The following CEP85L variants were observed in gnomAD, a reference collection of about 807,000 sequenced individuals.
CEP85L encodes the protein centrosomal protein 85L.
A neutral mutation model predicts 100.3 loss-of-function variants in CEP85L; 60 were observed. That is an observed-to-expected ratio of 0.60 (90% CI 0.49 to 0.74). CEP85L has a LOEUF of 0.74. Among genes scored for constraint, CEP85L ranks in the 30% least tolerant of loss-of-function variants. The pLI is 0.00. For missense variants in CEP85L, 973 were observed against 936.2 expected (o/e 1.04, Z -0.51); for synonymous variants, 319 against 322.7 (o/e 0.99, Z 0.12).
intron 2 of CEP85L, among the ~76,000 whole-genome samples, chr6:118,567,891 G>A (rs1195124642): frequency 1.3e-5 from 2 of 152,162 alleles, no homozygotes; most frequent in South Asian, 2.1e-4. Flanking sequence ...GTATTGTAGT[G>A]GATAGTTATC....
At chr6:118,619,558 A>G (rs1368259712) in intron 2 of CEP85L, among the ~76,000 whole-genome samples, 1 of 152,092 alleles carries the variant, frequency 6.6e-6, no homozygotes, top group Non-Finnish European at 1.5e-5. Context: ...CAGCCCCACC[A>G]AAGTGTTAGA....
chr6:118,654,140 G>A (rs184770023), upstream of CEP85L, among the ~76,000 whole-genome samples: 30 of 152,232 alleles, frequency 2.0e-4, no homozygotes, highest in African/African-American at 6.7e-4. Flanking sequence ...AGAGCCAGGT[G>A]CAGTCACTCA....
intron 1 of CEP85L, among the ~76,000 whole-genome samples, chr6:118,709,775 CT>C (rs1777727458): frequency 6.6e-6 from 1 of 152,124 alleles, no homozygotes; most frequent in Non-Finnish European, 1.5e-5. Flanking sequence ...CCATCTGTTC[CT>C]TTCCCCCTGA....
intron 4 of CEP85L, among the ~76,000 whole-genome samples, chr6:118,517,668 T>G (rs751029345): frequency 6.6e-6 from 1 of 152,228 alleles, no homozygotes; most frequent in Non-Finnish European, 1.5e-5. Context: ...AAATATACAA[T>G]CATGTCATCT....
At chr6:118,658,602 T>C (rs1775873196) in intron 1 of CEP85L, among the ~76,000 whole-genome samples, 1 of 152,134 alleles carries the variant, frequency 6.6e-6, no homozygotes, top group Admixed American at 6.6e-5. Context: ...AGAACCTGTA[T>C]TTTTAAAAAT....
At chr6:118,526,036 T>C (rs1293351630) in intron 3 of CEP85L, among the ~76,000 whole-genome samples, 1 of 152,206 alleles carries the variant, frequency 6.6e-6, no homozygotes, top group African/African-American at 2.4e-5. Context: ...CAGGATAGGA[T>C]GAACAGACTA....
chr6:118,706,687 A>C (rs1771752), intron 1 of CEP85L, among the ~76,000 whole-genome samples: 101,762 of 152,048 alleles, frequency 0.67, 34,717 homozygotes, highest in Non-Finnish European at 0.72. Context: ...AGATATCAGG[A>C]AACGCCACCA....
At chr6:118,511,265 C>G (rs773648699) in intron 5 of CEP85L, 33 bp downstream of exon 5, 4 of 1,361,678 alleles carry the variant, frequency 2.9e-6, no homozygotes, top group Non-Finnish European at 4.2e-6. Context: ...AGCTTTACTA[C>G]TAAAACAGCT....
chr6:118,506,541 T>G (rs1775669807), intron 5 of CEP85L, among the ~76,000 whole-genome samples: 1 of 152,234 alleles, frequency 6.6e-6, no homozygotes, highest in African/African-American at 2.4e-5. Flanking sequence ...ACCCTAAGCC[T>G]TTTGCTTTGC....
intron 1 of CEP85L, among the ~76,000 whole-genome samples, chr6:118,647,834 C>T (rs185131646): frequency 7.9e-5 from 12 of 152,300 alleles, no homozygotes; most frequent in Admixed American, 3.3e-4. Context: ...ATAGGGTAAT[C>T]TCAAATGCAA....
intron 10 of CEP85L, among the ~76,000 whole-genome samples, chr6:118,477,637 G>A (rs1043578204): frequency 2.0e-5 from 3 of 151,994 alleles, no homozygotes; most frequent in African/African-American, 4.8e-5. Flanking sequence ...ATCAAGACAA[G>A]TGAACTTCAA....
chr6:118,566,004 C>T lies in CEP85L; in HGVS notation c.545G>A (p.Gly182Asp). 1.2e-6 allele frequency: 2 copies of T among 1,614,220 alleles called. No homozygotes were observed. Among genetic ancestry groups the T allele is most frequent in the South Asian group, 1.1e-5 (1 of 91,086 alleles). ...GTVCREESRN[G>D]LEKIGKAKAL... is the part of the protein sequence containing the mutation. The stretch of plus-strand genomic sequence containing the variant: ...CTTAGCCTTCCCTATCTTCTCCAAA[C>T]CATTCCTTGACTCTTCTCTGCATAC... The change falls in exon 3 of 13, where the codon GGT becomes GAT. Residue 182 changes from glycine to aspartate, a missense_variant. Around this residue, in one of 3 missense-constraint regions of CEP85L, gnomAD observed 890 missense variants for 844.5 expected, o/e 1.05. Transcript: ENST00000368491.
intron 5 of CEP85L, among the ~76,000 whole-genome samples, chr6:118,496,311 C>A (rs1774913480): frequency 6.7e-6 from 1 of 149,802 alleles, no homozygotes; most frequent in Admixed American, 6.6e-5. Flanking sequence ...CACACGTCAT[C>A]TCTTATACAC....
intron 4 of CEP85L, among the ~76,000 whole-genome samples, chr6:118,518,609 ATTC>A (rs1201446788): frequency 2.6e-5 from 4 of 151,882 alleles, no homozygotes; most frequent in Admixed American, 2.6e-4. Flanking sequence ...CATCTATTTG[ATTC>A]TTCTCTCTTT....
intron 12 of CEP85L, among the ~76,000 whole-genome samples, chr6:118,467,440 GCA>G (rs1772610443): frequency 6.6e-6 from 1 of 152,248 alleles, no homozygotes; most frequent in African/African-American, 2.4e-5. Flanking sequence ...CCAAGGTAGT[GCA>G]CAGTTTTCAG....
In CEP85L at chr6:118,491,407, C is replaced by T. The variant is rs557859149; in HGVS notation, c.1437+279G>A. 11 of 1,022,554 alleles carry T rather than the reference C, an allele frequency of 1.1e-5. No individual in the cohort carries two copies. The South Asian group carries it at 3.3e-4, about 30-fold the overall frequency. The allele number at this position is 1,022,554 out of a possible 1,614,324, so 63.3% of individuals were successfully genotyped here. A position where few individuals can be genotyped will look rare whatever the true frequency, so the allele number is the denominator to read the frequency against. On this transcript the variant is annotated intron_variant, in intron 6 of 12. Transcript: ENST00000368491. ...GACAAAAAAAATGAAATCATAGACT[C>T]AATAAGGAAAAGGAGAACAGTTATT... is the stretch of plus-strand genomic sequence containing the variant.
chr6:118,709,556 T>TGTGTGTGTGTGTGTGTGAGAGA (rs751698371), intron 1 of CEP85L, among the ~76,000 whole-genome samples: 14 of 142,224 alleles, frequency 9.8e-5, no homozygotes, highest in African/African-American at 2.0e-4. Flanking sequence ...TGTGTGTGTG[T>TGTGTGTGTGTGTGTGTGAGAGA]GAGAGAGAGA....
intron 2 of CEP85L, among the ~76,000 whole-genome samples, chr6:118,601,316 T>C (rs147647031): frequency 6.6e-6 from 1 of 152,336 alleles, no homozygotes; most frequent in East Asian, 1.9e-4. Flanking sequence ...TTTCCCACCT[T>C]TGCTCAAACC....
At chr6:118,589,077 G>A in intron 2 of CEP85L, 1 of 311,336 alleles carries the variant, frequency 3.2e-6, no homozygotes, top group East Asian at 9.2e-5. Flanking sequence ...GCCATGAACG[G>A]AGACAGCACC....
Sources: gnomAD v4.1 joint callset for allele counts (sites outside exome capture counted in the v4.1 genomes callset) on GRCh38, gnomAD v4.1.1 for gene constraint, gnomAD v4.1.1 regional missense constraint, MANE v1.5 for transcripts, NCBI Gene and HGNC (gene_info 2026-07-23, HGNC 2026-07-21) for gene names.